TNKS: variants seen among roughly 807,000 people sequenced by gnomAD.
TNKS encodes the protein poly [ADP-ribose] polymerase tankyrase-1.
A neutral mutation model predicts 135.8 loss-of-function variants in TNKS; 72 were observed. The observed-to-expected ratio is 0.53, with a 90% CI of 0.44 to 0.64. The LOEUF (loss-of-function observed/expected upper bound fraction) is 0.64. Ranked by LOEUF, TNKS falls within the 30% of genes least tolerant of loss-of-function variation. The pLI is 0.00. For synonymous variants in TNKS, 849 were observed against 649.3 expected, an observed-to-expected ratio of 1.31 and a Z score of -4.68; for missense variants, 1,769 against 1,674.0, an observed-to-expected ratio of 1.06 and a Z score of -0.99.
intron 3 of TNKS, among the ~76,000 whole-genome samples, chr8:9,661,278 C>G (rs930743381): frequency 6.6e-6 from 1 of 152,140 alleles, no homozygotes; most frequent in African/African-American, 2.4e-5. Context: ...ATTGCCAAGT[C>G]AATCCTAAGC....
chr8:9,605,421 T>C (rs923522526), intron 2 of TNKS, among the ~76,000 whole-genome samples: 1 of 152,116 alleles, frequency 6.6e-6, no homozygotes, highest in African/African-American at 2.4e-5. Context: ...TTGACTATTA[T>C]AAATAAACAT....
chr8:9,778,534 C>G lies in TNKS; in HGVS notation c.*1798C>G, dbSNP rs540271176. On this transcript the variant is annotated 3_prime_UTR_variant, in exon 27 of 27. Coordinates refer to ENST00000310430, the MANE Select transcript of TNKS (RefSeq NM_003747.3). The stretch of plus-strand genomic sequence containing the variant: ...TTGTAGCTGAATTTTTATGGGTCCT[C>G]AAAATTAAATCGAGAATTAGCCTCA... 1 of 152,602 alleles carries G rather than the reference C, an allele frequency of 6.6e-6. No homozygotes were observed. The highest frequency in any genetic ancestry group is 2.4e-5 in the African/African-American group (1 of 41,442). 9.5% of individuals were successfully genotyped at this position (152,602 alleles called of 1,614,324 possible).
intron 2 of TNKS, among the ~76,000 whole-genome samples, chr8:9,585,971 G>A (rs1798365868): frequency 6.6e-6 from 1 of 152,112 alleles, no homozygotes; most frequent in African/African-American, 2.4e-5. Flanking sequence ...ATTAAAATGG[G>A]AATGAGGGTA....
chr8:9,710,093 G>A (rs779569232), intron 10 of TNKS, 47 bp downstream of exon 10: 1 of 1,610,834 alleles, frequency 6.2e-7, no homozygotes, highest in East Asian at 2.2e-5. Context: ...AAGAGGAAAT[G>A]CAATAAAAGA....
intron 5 of TNKS, among the ~76,000 whole-genome samples, chr8:9,693,220 A>T (rs916064801): frequency 2.6e-5 from 4 of 152,228 alleles, no homozygotes; most frequent in Admixed American, 2.6e-4. Flanking sequence ...CAGCCACACA[A>T]TGGAAATACT....
intron 3 of TNKS, among the ~76,000 whole-genome samples, chr8:9,674,839 G>A (rs1016779856): frequency 6.6e-6 from 1 of 152,164 alleles, no homozygotes; most frequent in Admixed American, 6.5e-5. Context: ...ACAAACAACT[G>A]TGTTTAGAAT....
chr8:9,573,723 G>A (rs1797845268), intron 1 of TNKS, among the ~76,000 whole-genome samples: 1 of 152,176 alleles, frequency 6.6e-6, no homozygotes, highest in African/African-American at 2.4e-5. Context: ...TATAAGTGTA[G>A]GTTAAAAGAT....
chr8:9,735,187 G>C lies in TNKS; in HGVS notation c.2533+103G>C, dbSNP rs1352321997. 8 of 1,223,700 alleles carry C rather than the reference G, an allele frequency of 6.5e-6. No individual in the cohort carries two copies. The African/African-American group carries it at 1.1e-4, about 16-fold the overall frequency. 75.8% of individuals were successfully genotyped at this position (1,223,700 alleles called of 1,614,324 possible). The stretch of plus-strand genomic sequence containing the variant: ...TGCTGAACACAAATGGGACTACTTA[G>C]TAAAATGCTCTTGATTGACATAGTT... On this transcript the variant is annotated intron_variant, in intron 16 of 26. Transcript: ENST00000310430.
At chr8:9,710,357 T>C in intron 11 of TNKS, 137 bp downstream of exon 11, 1 of 765,304 alleles carries the variant, frequency 1.3e-6, no homozygotes. Context: ...AATTCATGGA[T>C]TCTCCTATAA....
intron 3 of TNKS, among the ~76,000 whole-genome samples, chr8:9,632,300 T>C (rs1256047498): frequency 6.6e-6 from 1 of 152,220 alleles, no homozygotes; most frequent in African/African-American, 2.4e-5. Flanking sequence ...ATTATTTGTA[T>C]TTTGAAAAAT....
intron 17 of TNKS, among the ~76,000 whole-genome samples, chr8:9,746,299 A>G (rs1806232034): frequency 6.6e-6 from 1 of 152,210 alleles, no homozygotes; most frequent in South Asian, 2.1e-4. Flanking sequence ...TAATATTCTT[A>G]AAAAGCCTAT....
chr8:9,736,350 TA>T (rs1204895063), intron 17 of TNKS, among the ~76,000 whole-genome samples: 16,908 of 87,372 alleles, frequency 0.19, 1,135 homozygotes, highest in Non-Finnish European at 0.21. Context: ...AGACCTCATC[TA>T]AAAAAAAAAA....
At chr8:9,730,468 C>A (rs965295236) in intron 13 of TNKS, among the ~76,000 whole-genome samples, 1 of 152,100 alleles carries the variant, frequency 6.6e-6, no homozygotes, top group Non-Finnish European at 1.5e-5. Context: ...GCTTGACTCA[C>A]ATTAGAGACG....
At chr8:9,717,025 C>A (rs1484510498) in intron 11 of TNKS, among the ~76,000 whole-genome samples, 1 of 136,274 alleles carries the variant, frequency 7.3e-6, no homozygotes, top group Non-Finnish European at 1.6e-5. Flanking sequence ...GGCACGTGAG[C>A]AAGATTAGTA....
intron 8 of TNKS, 66 bp downstream of exon 8, chr8:9,707,063 T>C: frequency 7.4e-7 from 1 of 1,352,812 alleles, no homozygotes; most frequent in South Asian, 1.5e-5. Context: ...TTGAGTTTTA[T>C]CTACCTTAAA....
chr8:9,584,466 G>A (rs1798292358), intron 2 of TNKS, among the ~76,000 whole-genome samples: 2 of 152,132 alleles, frequency 1.3e-5, no homozygotes, highest in South Asian at 4.1e-4. Context: ...GCTTTAGTGT[G>A]GGCAGTGGCC....
chr8:9,679,662 T>C lies in TNKS; in HGVS notation c.995-289T>C, dbSNP rs113000606. On this transcript the variant is annotated intron_variant, in intron 3 of 26. Coordinates refer to ENST00000310430, the MANE Select transcript of TNKS (RefSeq NM_003747.3). ...GACATTGTCTTCAGCTGGCATGCTG[T>C]TATCAGAGGGAATGTGTTTCTGGAC... The C allele has an allele frequency of 4.2e-3, 1,454 of 343,006 alleles. 14 individuals carry two copies. Among genetic ancestry groups the C allele is most frequent in the African/African-American group, 0.022 (1,092 of 48,778 alleles). 21.2% of individuals were successfully genotyped at this position (343,006 alleles called of 1,614,324 possible). A position where few individuals can be genotyped will look rare whatever the true frequency, so the allele number is the denominator to read the frequency against.
At chr8:9,769,820 C>A (rs1807712458) in intron 25 of TNKS, among the ~76,000 whole-genome samples, 1 of 151,832 alleles carries the variant, frequency 6.6e-6, no homozygotes. Flanking sequence ...GAGGTTTTTA[C>A]CGTGTTAGCC....
Position 9,772,369 on chromosome 8 carries a change from G to A in TNKS, c.3897+2107G>A, listed in dbSNP as rs1462022442. 14 of 455,290 alleles carry A rather than the reference G, an allele frequency of 3.1e-5. 1 individual carries two copies. The highest frequency in any genetic ancestry group is 5.7e-5 in the Non-Finnish European group (13 of 226,476). 28.2% of individuals were successfully genotyped at this position (455,290 alleles called of 1,614,324 possible). A position where few individuals can be genotyped will look rare whatever the true frequency, so the allele number is the denominator to read the frequency against. On this transcript the variant is annotated intron_variant, in intron 26 of 26. Coordinates refer to ENST00000310430, the MANE Select transcript of TNKS (RefSeq NM_003747.3). The stretch of plus-strand genomic sequence containing the variant: ...AGATAGGCTTATATTATCTCTCTAG[G>A]TGGATACTCTAAAGGCACGACATCT...
Sources: allele counts gnomAD v4.1 joint callset (sites outside exome capture counted in the v4.1 genomes callset), GRCh38; gene constraint gnomAD v4.1.1; transcripts MANE v1.5; gene names NCBI Gene and HGNC (gene_info 2026-07-23, HGNC 2026-07-21).